AIRIM: variants seen among roughly 807,000 people sequenced by gnomAD.
AIRIM encodes AFG2 interacting ribosome maturation factor.
chr1:37,683,443 T>C, the AIRIM span: 3 of 1,613,066 alleles, frequency 1.9e-6, no homozygotes, highest in African/African-American at 1.3e-5. Flanking sequence ...GGTACCTTTC[T>C]GGAAGTTAAG....
chr1:37,690,416 G>A, the AIRIM span: 2 of 1,263,736 alleles, frequency 1.6e-6, no homozygotes, highest in Non-Finnish European at 2.0e-6. Context: ...TGTCTCCCCT[G>A]CCCGAGGCTG....
the AIRIM span, chr1:37,683,131 C>T: frequency 1.2e-6 from 2 of 1,612,636 alleles, no homozygotes; most frequent in South Asian, 2.2e-5. Context: ...CCTTACTCTT[C>T]CAGGAAGAAG....
chr1:37,685,896 T>C, the AIRIM span, among the ~76,000 whole-genome samples: 10 of 152,322 alleles, frequency 6.6e-5, no homozygotes, highest in Non-Finnish European at 1.3e-4. Context: ...CATAGCTCTT[T>C]CCCTTACCCT....
the AIRIM span, chr1:37,683,014 T>C: frequency 8.5e-7 from 1 of 1,175,390 alleles, no homozygotes; most frequent in South Asian, 1.3e-5. Flanking sequence ...AAGGCACTGA[T>C]GTTTCAAATA....
At chr1:37,691,605 G>A in the AIRIM span, 1 of 155,716 alleles carries the variant, frequency 6.4e-6, no homozygotes, top group Non-Finnish European at 1.5e-5. Context: ...CAGATACCAA[G>A]ATGCACAGTT....
At chr1:37,690,363 AT>A in the AIRIM span, 41 of 1,289,868 alleles carry the variant, frequency 3.2e-5, no homozygotes, top group Non-Finnish European at 4.1e-5. Flanking sequence ...GCTTCAGAGG[AT>A]TCCTGGCGTC....
chr1:37,687,110 G>GACA, the AIRIM span, among the ~76,000 whole-genome samples: 1 of 139,602 alleles, frequency 7.2e-6, no homozygotes, highest in African/African-American at 2.6e-5. Flanking sequence ...GTGTGTGTGT[G>GACA]TATAGTTTTT....
the AIRIM span, chr1:37,681,604 T>C: frequency 2.6e-5 from 4 of 152,230 alleles, no homozygotes; most frequent in Admixed American, 6.5e-5. Flanking sequence ...ACTTATATGA[T>C]AGATGTTTTT....
the AIRIM span, among the ~76,000 whole-genome samples, chr1:37,686,824 T>C: frequency 6.6e-6 from 1 of 151,962 alleles, no homozygotes; most frequent in Non-Finnish European, 1.5e-5. Flanking sequence ...AATCCCAGCT[T>C]TGGGAGGCTG....
chr1:37,683,555 AC>A, the AIRIM span: 3 of 1,207,680 alleles, frequency 2.5e-6, no homozygotes, highest in Non-Finnish European at 3.5e-6. Flanking sequence ...CTTACATTTT[AC>A]CAGGTGGGCC....
chr1:37,687,448 T>TA, the AIRIM span, among the ~76,000 whole-genome samples: 133 of 146,248 alleles, frequency 9.1e-4, no homozygotes, highest in African/African-American at 3.3e-3. Context: ...TATTTTTTTT[T>TA]AATTAAAACA....
At chr1:37,685,501 C>T in the AIRIM span, among the ~76,000 whole-genome samples, 1 of 152,090 alleles carries the variant, frequency 6.6e-6, no homozygotes, top group Admixed American at 6.6e-5. Flanking sequence ...CAGCTTCACC[C>T]TCCCGAGTAG....
the AIRIM span, chr1:37,686,153 C>T: frequency 1.1e-6 from 1 of 949,108 alleles, no homozygotes; most frequent in East Asian, 2.7e-5. Flanking sequence ...CAGGAAGAAT[C>T]CAAGTTCAGG....
chr1:37,682,147 T>G, the AIRIM span: 1 of 152,252 alleles, frequency 6.6e-6, no homozygotes, highest in South Asian at 2.1e-4. Context: ...TTTTACATTT[T>G]TTCTAGTTTT....
the AIRIM span, chr1:37,686,319 C>A: frequency 6.2e-7 from 1 of 1,613,902 alleles, no homozygotes; most frequent in South Asian, 1.1e-5. Context: ...TCCAACATGT[C>A]AGCCACAGAG....
chr1:37,682,132 C>T, the AIRIM span: 13 of 152,222 alleles, frequency 8.5e-5, no homozygotes, highest in East Asian at 2.5e-3. Flanking sequence ...TTACAATTTT[C>T]TACATTTTAC....
At chr1:37,689,204 A>G in the AIRIM span, among the ~76,000 whole-genome samples, 1 of 152,208 alleles carries the variant, frequency 6.6e-6, no homozygotes, top group Admixed American at 6.5e-5. Context: ...CCTGCATAGA[A>G]TTAAGTGCAG....
At chr1:37,686,533 T>C in the AIRIM span, 1 of 1,368,098 alleles carries the variant, frequency 7.3e-7, no homozygotes, top group Non-Finnish European at 1.0e-6. Flanking sequence ...CTACTGATAT[T>C]TTGGACTACA....
chr1:37,689,742 C>G, the AIRIM span: 2 of 1,613,934 alleles, frequency 1.2e-6, no homozygotes, highest in East Asian at 4.5e-5. Context: ...TGCAGCTGTT[C>G]CGCCAGGTTG....
Sources: gnomAD v4.1 joint callset for allele counts (sites outside exome capture counted in the v4.1 genomes callset) on GRCh38, gnomAD v4.1.1 for gene constraint, MANE v1.5 for transcripts, NCBI Gene and HGNC (gene_info 2026-07-23, HGNC 2026-07-21) for gene names.